The following BRAF variants were observed in gnomAD, a reference collection of about 807,000 sequenced individuals.
The protein encoded by BRAF is serine/threonine-protein kinase B-raf.
BRAF carries 16 observed loss-of-function variants against 104.6 expected under a neutral mutation model. The observed-to-expected ratio is 0.15, with a 90% CI of 0.10 to 0.23. The LOEUF is 0.23. BRAF is among the 10% of genes least tolerant of loss of function. The probability of loss-of-function intolerance (pLI) is 1.00; values close to 1 mark genes in which losing one functional copy is unlikely to be tolerated. For missense variants in BRAF, 541 were observed against 937.3 expected (o/e 0.58, Z 5.52); for synonymous variants, 310 against 341.6 (o/e 0.91, Z 1.02).
At chr7:140,895,126 C>A (rs781771955) in intron 1 of BRAF, among the ~76,000 whole-genome samples, 1 of 151,986 alleles carries the variant, frequency 6.6e-6, no homozygotes, top group African/African-American at 2.4e-5. Context: ...AAAGAATATA[C>A]AATAAAATGT....
chr7:140,721,220 T>C lies in BRAF; in HGVS notation c.*5274A>G. ...AAGCTGATTTAGTAATTAATAAAAC[T>C]TAACAGTTGAAGTTGTGGATGTTAA... On this transcript the variant is annotated 3_prime_UTR_variant, in exon 20 of 20. Transcript: ENST00000644969. 1 of 1,086,734 alleles carries C rather than the reference T, an allele frequency of 9.2e-7. No homozygotes were observed. The highest frequency in any genetic ancestry group is 1.1e-6 in the Non-Finnish European group (1 of 893,954). The allele number at this position is 1,086,734 out of a possible 1,614,324, so 67.3% of individuals were successfully genotyped here.
chr7:140,873,501 A>T (rs1811850948), intron 1 of BRAF, among the ~76,000 whole-genome samples: 1 of 152,128 alleles, frequency 6.6e-6, no homozygotes. Flanking sequence ...GGCTGCTGCC[A>T]TCCCTTCTTC....
At chr7:140,818,016 G>A (rs945202671) in intron 3 of BRAF, among the ~76,000 whole-genome samples, 7 of 150,766 alleles carry the variant, frequency 4.6e-5, no homozygotes, top group Admixed American at 1.3e-4. Flanking sequence ...ATATAGTATC[G>A]TATCACCTTA....
chr7:140,772,906 C>G (rs1026000772), intron 14 of BRAF, among the ~76,000 whole-genome samples: 1 of 152,200 alleles, frequency 6.6e-6, no homozygotes, highest in African/African-American at 2.4e-5. Context: ...TGAGAAACTA[C>G]GTTAACTCCT....
chr7:140,783,305 G>A, intron 10 of BRAF, 148 bp from the exon 10 acceptor site: 1 of 942,132 alleles, frequency 1.1e-6, no homozygotes, highest in Non-Finnish European at 1.5e-6. Context: ...GGGCCAAAAA[G>A]GGGCCTCATT....
At chr7:140,755,207 A>G (rs1044156085) in intron 14 of BRAF, among the ~76,000 whole-genome samples, 3 of 152,224 alleles carry the variant, frequency 2.0e-5, no homozygotes, top group African/African-American at 7.2e-5. Context: ...TAAGTATTCA[A>G]TACATGTCTA....
intron 3 of BRAF, among the ~76,000 whole-genome samples, chr7:140,815,410 G>T (rs1393878704): frequency 6.7e-6 from 1 of 148,880 alleles, no homozygotes; most frequent in African/African-American, 2.5e-5. Flanking sequence ...CTCCCAAAGT[G>T]CTAGGATTAC....
chr7:140,775,094 C>T (rs73165461), intron 14 of BRAF, among the ~76,000 whole-genome samples: 4,076 of 152,058 alleles, frequency 0.027, 87 homozygotes, highest in Middle Eastern at 0.044. Flanking sequence ...GACAGAGTGA[C>T]GTGGGGACAT....
At chr7:140,808,248 G>GTT in intron 4 of BRAF, 186 bp from the exon 5 acceptor site, 1 of 570,274 alleles carries the variant, frequency 1.8e-6, no homozygotes, top group Non-Finnish European at 3.3e-6. Flanking sequence ...CCAAATAAAT[G>GTT]TATCACTCTT....
At chr7:140,784,866 C>T (rs1277682128) in intron 10 of BRAF, among the ~76,000 whole-genome samples, 1 of 152,116 alleles carries the variant, frequency 6.6e-6, no homozygotes, top group Non-Finnish European at 1.5e-5. Context: ...AGGCTGGTCT[C>T]AAACTCCTGA....
At chr7:140,754,337 T>A in intron 14 of BRAF, 104 bp from the exon 14 acceptor site, 2 of 951,128 alleles carry the variant, frequency 2.1e-6, no homozygotes, top group Non-Finnish European at 3.4e-6. Context: ...AGAATCATGA[T>A]ACAACTGAAA....
chr7:140,766,694 A>G (rs1447188149), intron 14 of BRAF, among the ~76,000 whole-genome samples: 1 of 151,612 alleles, frequency 6.6e-6, no homozygotes, highest in Non-Finnish European at 1.5e-5. Context: ...GGGACCACAG[A>G]CATACACCAC....
intron 3 of BRAF, among the ~76,000 whole-genome samples, chr7:140,813,888 T>TACACACACAC (rs147877017): frequency 4.7e-4 from 69 of 147,448 alleles, no homozygotes; most frequent in Non-Finnish European, 5.0e-4. Context: ...GACGCATACA[T>TACACACACAC]ACACACACAC....
rs369259173 is a variant in BRAF, at chr7:140,789,856, G to A, written c.1141-2272C>T. ...AGCGATTCTCCTGCCTCGGCCTCCCGAGTAGCTAGGATTACAGGCGCCTGC... is the reference window on the plus strand; with the variant it reads ...AGCGATTCTCCTGCCTCGGCCTCCCAAGTAGCTAGGATTACAGGCGCCTGC... On this transcript the variant is annotated intron_variant, in intron 8 of 19. Coordinates refer to ENST00000644969, the MANE Select transcript of BRAF (RefSeq NM_001374258.1). Among the ~76,000 whole-genome samples the A allele has an allele frequency of 2.2e-4, 34 of 152,218 alleles. No homozygotes were observed. The highest frequency in any genetic ancestry group is 1.5e-3 in the South Asian group (7 of 4,816).
chr7:140,785,818 GAGAA>G lies in BRAF; in HGVS notation c.1178-14_1178-11del. On this transcript the variant is annotated splice_polypyrimidine_tract_variant and intron_variant, in intron 9 of 19. Coordinates refer to ENST00000644969, the MANE Select transcript of BRAF (RefSeq NM_001374258.1). The stretch of plus-strand genomic sequence containing the variant: ...AGCTGGTTCAAAGGGGCTGTTAGAA[GAGAA>G]AGAGAGGGGCAGGCAAACACAGGAA... 1 of 399,034 alleles carries G rather than the reference GAGAA, an allele frequency of 2.5e-6. No individual in the cohort carries two copies. The highest frequency in any genetic ancestry group is 3.6e-5 in the East Asian group (1 of 28,078). The allele number at this position is 399,034 out of a possible 1,614,324, so 24.7% of individuals were successfully genotyped here. A position where few individuals can be genotyped will look rare whatever the true frequency, so the allele number is the denominator to read the frequency against.
chr7:140,881,921 C>A (rs1364522066), intron 1 of BRAF, among the ~76,000 whole-genome samples: 1 of 152,008 alleles, frequency 6.6e-6, no homozygotes, highest in Admixed American at 6.5e-5. Context: ...AAAACAATTA[C>A]AATAGTAACA....
At chr7:140,743,036 C>T (rs543730627) in intron 17 of BRAF, among the ~76,000 whole-genome samples, 2 of 152,318 alleles carry the variant, frequency 1.3e-5, no homozygotes, top group South Asian at 4.2e-4. Flanking sequence ...TCATCTCACA[C>T]CAGTTAGAAT....
intron 3 of BRAF, among the ~76,000 whole-genome samples, chr7:140,827,592 G>A (rs2129057820): frequency 6.6e-6 from 1 of 152,276 alleles, no homozygotes; most frequent in East Asian, 1.9e-4. Flanking sequence ...CCTTCAAAGG[G>A]TCAGCTTTAT....
At chr7:140,806,235 C>CT (rs1803644108) in intron 5 of BRAF, among the ~76,000 whole-genome samples, 1 of 152,160 alleles carries the variant, frequency 6.6e-6, no homozygotes, top group Non-Finnish European at 1.5e-5. Flanking sequence ...ATTTCTGTCT[C>CT]TGAGAAACCT....
Sources: gnomAD v4.1 joint callset for allele counts (sites outside exome capture counted in the v4.1 genomes callset) on GRCh38, gnomAD v4.1.1 for gene constraint, MANE v1.5 for transcripts, NCBI Gene and HGNC (gene_info 2026-07-23, HGNC 2026-07-21) for gene names.